The following TDP1 variants were observed in gnomAD, a reference collection of about 807,000 sequenced individuals.
The protein encoded by TDP1 is tyr-DNA phosphodiesterase 1.
In TDP1, 64 loss-of-function variants were observed where a neutral mutation model predicts 81.5. The ratio of observed to expected loss-of-function variants is 0.79; its 90% CI spans 0.64 to 0.97. TDP1 has a LOEUF of 0.97. TDP1 is among the 50% of genes least tolerant of loss of function. The pLI, the probability that TDP1 is intolerant of heterozygous loss-of-function variation, is 0.00. For missense variants in TDP1, 723 were observed against 743.8 expected (o/e 0.97, Z 0.33); for synonymous variants, 256 against 264.3 (o/e 0.97, Z 0.30).
intron 14 of TDP1, among the ~76,000 whole-genome samples, chr14:90,017,016 A>G (rs572526810): frequency 1.3e-4 from 20 of 152,294 alleles, no homozygotes; most frequent in Middle Eastern, 3.4e-3. Flanking sequence ...AAAAAGAACA[A>G]TGGAAGAGTG....
chr14:90,003,981 C>G (rs1006962812), intron 14 of TDP1, among the ~76,000 whole-genome samples: 1 of 152,124 alleles, frequency 6.6e-6, no homozygotes, highest in African/African-American at 2.4e-5. Context: ...AAAATACTTA[C>G]AGATGTCATT....
intron 16 of TDP1, 74 bp downstream of exon 16, chr14:90,033,288 G>A (rs1463406824): frequency 3.4e-6 from 3 of 878,718 alleles, no homozygotes; most frequent in Non-Finnish European, 5.7e-6. Context: ...AGAAGCCTTT[G>A]GTCTCAGTGG....
rs149550699 is a variant in TDP1, at chr14:90,013,478, G to A, written c.1542-5838G>A. ...CCCTGCACACGCTCTCTTGCCTGCCGCCATGTAAGATGTGCCTTTGCTCCT... is the reference window on the plus strand; with the variant it reads ...CCCTGCACACGCTCTCTTGCCTGCCACCATGTAAGATGTGCCTTTGCTCCT... On this transcript the variant is annotated intron_variant, in intron 14 of 16. Coordinates refer to ENST00000335725, the MANE Select transcript of TDP1 (RefSeq NM_018319.4). Among the ~76,000 whole-genome samples the A allele has an allele frequency of 6.4e-3, 974 of 152,236 alleles. 6 individuals are homozygous for A. Among genetic ancestry groups the A allele is most frequent in the Non-Finnish European group, 9.8e-3 (668 of 68,028 alleles).
chr14:89,980,058 G>A lies in TDP1; in HGVS notation c.792-482G>A, dbSNP rs34045298. 421 of 437,710 alleles carry A rather than the reference G, an allele frequency of 9.6e-4. 1 individual carries two copies. The highest frequency in any genetic ancestry group is 8.2e-3 in the African/African-American group (386 of 46,886). 27.1% of individuals were successfully genotyped at this position (437,710 alleles called of 1,614,324 possible). A position where few individuals can be genotyped will look rare whatever the true frequency, so the allele number is the denominator to read the frequency against. On this transcript the variant is annotated intron_variant, in intron 7 of 16. Transcript: ENST00000335725. ...TACACTTTACATTTCAGTGTATTGT[G>A]CACTAACATACCTTTGTGCCAAAAC...
chr14:89,981,536 G>A (rs1894978913), intron 8 of TDP1: 1 of 452,584 alleles, frequency 2.2e-6, no homozygotes, highest in Non-Finnish European at 4.4e-6. Flanking sequence ...GAGAAACTCG[G>A]ACGTTTGTCT....
intron 6 of TDP1, chr14:89,975,476 G>GT (rs1894177787): frequency 2.7e-5 from 27 of 983,390 alleles, no homozygotes; most frequent in Non-Finnish European, 3.0e-5. Flanking sequence ...TGTTTTACTA[G>GT]TTTTTTGTCA....
chr14:89,981,134 G>T (rs966843115), intron 8 of TDP1, among the ~76,000 whole-genome samples: 2 of 152,186 alleles, frequency 1.3e-5, no homozygotes, highest in Non-Finnish European at 2.9e-5. Flanking sequence ...AAAAGTTGGG[G>T]TAGGGCCTGG....
chr14:89,974,985 G>A (rs558846220), intron 6 of TDP1, among the ~76,000 whole-genome samples: 1 of 152,310 alleles, frequency 6.6e-6, no homozygotes. Flanking sequence ...GATTTCATAT[G>A]TTTTTATTTT....
At chr14:90,009,929 A>C (rs961316821) in intron 14 of TDP1, among the ~76,000 whole-genome samples, 1 of 152,198 alleles carries the variant, frequency 6.6e-6, no homozygotes, top group Non-Finnish European at 1.5e-5. Flanking sequence ...AAGCAATTGG[A>C]TATTGATGCA....
At chr14:89,962,956 G>A in intron 2 of TDP1, 152 bp from the exon 3 acceptor site, 1 of 1,493,710 alleles carries the variant, frequency 6.7e-7, no homozygotes, top group Non-Finnish European at 8.9e-7. Flanking sequence ...TTCTGGTAAT[G>A]TGCTTATAAA....
At chr14:89,999,180 T>C (rs1896982162) in intron 14 of TDP1, among the ~76,000 whole-genome samples, 1 of 152,232 alleles carries the variant, frequency 6.6e-6, no homozygotes, top group Non-Finnish European at 1.5e-5. Context: ...ACATATTAAC[T>C]GCCAAGTCCT....
chr14:90,043,630 CT>C lies in TDP1; in HGVS notation c.*491del, dbSNP rs367624781. ...ATGCATGAAACAAAGTTTTGACAGGCTTTTGACCGTGATTCATCACATGAGT... is the reference window on the plus strand; with the variant it reads ...ATGCATGAAACAAAGTTTTGACAGGCTTTGACCGTGATTCATCACATGAGT... On this transcript the variant is annotated 3_prime_UTR_variant, in exon 17 of 17. Coordinates refer to ENST00000335725, the MANE Select transcript of TDP1 (RefSeq NM_018319.4). The C allele has an allele frequency of 1.5e-4, 29 of 189,362 alleles. No homozygotes were observed. Among genetic ancestry groups the C allele is most frequent in the Middle Eastern group, 2.4e-3 (1 of 418 alleles). 11.7% of individuals were successfully genotyped at this position (189,362 alleles called of 1,614,324 possible).
At chr14:89,962,873 CAAAA>C (rs113407792) in intron 2 of TDP1, 57 of 719,492 alleles carry the variant, frequency 7.9e-5, no homozygotes, top group Admixed American at 4.9e-4. Context: ...GACCCTGTTT[CAAAA>C]AAAAAAAGGA....
intron 15 of TDP1, among the ~76,000 whole-genome samples, chr14:90,026,482 T>G (rs1044235361): frequency 9.2e-5 from 14 of 152,238 alleles, no homozygotes; most frequent in Admixed American, 2.6e-4. Flanking sequence ...TTATTATACT[T>G]TAAGTTCTAG....
chr14:90,003,686 C>A (rs1450987724), intron 14 of TDP1, among the ~76,000 whole-genome samples: 1 of 152,170 alleles, frequency 6.6e-6, no homozygotes. Context: ...CTAACACATG[C>A]TGGATCACTG....
chr14:90,038,465 A>C (rs1384053850), intron 16 of TDP1, among the ~76,000 whole-genome samples: 2 of 152,216 alleles, frequency 1.3e-5, no homozygotes, highest in Non-Finnish European at 2.9e-5. Flanking sequence ...GTCCAGAATC[A>C]TCAAGTATTT....
At chr14:89,990,072 T>C (rs1270477209) in intron 12 of TDP1, among the ~76,000 whole-genome samples, 1 of 152,190 alleles carries the variant, frequency 6.6e-6, no homozygotes, top group Non-Finnish European at 1.5e-5. Context: ...CAATGCGTTT[T>C]CAGAGCTTAT....
chr14:90,028,934 T>C (rs1886951558), intron 15 of TDP1, among the ~76,000 whole-genome samples: 1 of 152,124 alleles, frequency 6.6e-6, no homozygotes, highest in Non-Finnish European at 1.5e-5. Context: ...GAGAAGTCAT[T>C]TTTTACCTGA....
At chr14:89,980,718 T>A (rs1156292266) in intron 8 of TDP1, 86 bp downstream of exon 8, 2 of 1,137,564 alleles carry the variant, frequency 1.8e-6, no homozygotes, top group East Asian at 5.0e-5. Flanking sequence ...TTTTTTCTAT[T>A]TTTTTTTTAA....
Sources: allele counts gnomAD v4.1 joint callset (sites outside exome capture counted in the v4.1 genomes callset), GRCh38; gene constraint gnomAD v4.1.1; transcripts MANE v1.5; gene names NCBI Gene and HGNC (gene_info 2026-07-23, HGNC 2026-07-21).